The following RARB variants were observed in gnomAD, a reference collection of about 807,000 sequenced individuals.
RARB encodes the protein retinoic acid receptor beta, also known as HBV-activated protein.
Under a neutral mutation model 51.9 loss-of-function variants are expected in RARB, and 17 were observed. That is an observed-to-expected ratio of 0.33 (90% CI 0.22 to 0.49). The LOEUF (loss-of-function observed/expected upper bound fraction) is 0.49. Ranked by LOEUF, RARB falls within the 20% of genes least tolerant of loss-of-function variation. The pLI is 0.99. For synonymous variants in RARB, 215 were observed against 195.4 expected (o/e 1.10, Z -0.84); for missense variants, 369 against 550.8 (o/e 0.67, Z 3.30).
At chr3:25,534,591 G>A (rs1183967314) in intron 3 of RARB, among the ~76,000 whole-genome samples, 2 of 152,136 alleles carry the variant, frequency 1.3e-5, no homozygotes, top group East Asian at 1.9e-4. Flanking sequence ...TGGGCCCCCC[G>A]GCACAGTGTT....
chr3:25,378,679 G>A (rs531163752), intron 5 of RARB, among the ~76,000 whole-genome samples: 29 of 152,084 alleles, frequency 1.9e-4, no homozygotes, highest in African/African-American at 5.5e-4. Flanking sequence ...CAATTTATCC[G>A]TCTCCAAATG....
intron 5 of RARB, among the ~76,000 whole-genome samples, chr3:25,319,995 T>C (rs1704523915): frequency 1.3e-5 from 2 of 151,922 alleles, no homozygotes. Flanking sequence ...GGGGACATTT[T>C]CTCTGTAATG....
At chr3:25,060,963 G>T (rs1273393190) in intron 3 of RARB, among the ~76,000 whole-genome samples, 1 of 151,902 alleles carries the variant, frequency 6.6e-6, no homozygotes, top group African/African-American at 2.4e-5. Context: ...TAAGGAAGAA[G>T]TGGCCAAATT....
intron 3 of RARB, among the ~76,000 whole-genome samples, chr3:25,512,527 G>C (rs976909141): frequency 2.6e-5 from 4 of 152,288 alleles, no homozygotes; most frequent in Admixed American, 2.6e-4. Context: ...CTTGTCATGT[G>C]CCCCCAAATG....
intron 2 of RARB, among the ~76,000 whole-genome samples, chr3:24,920,577 GA>G (rs35008028): frequency 0.13 from 19,139 of 152,246 alleles, 1,355 homozygotes; most frequent in Non-Finnish European, 0.16. Flanking sequence ...AGAACAAAGA[GA>G]GTGTGGCATG....
chr3:24,857,726 G>C (rs898008469), intron 1 of RARB, among the ~76,000 whole-genome samples: 1 of 152,076 alleles, frequency 6.6e-6, no homozygotes, highest in African/African-American at 2.4e-5. Flanking sequence ...ACCAGGCTGG[G>C]GAACATAGTG....
chr3:24,925,993 C>A (rs764253829), intron 2 of RARB, among the ~76,000 whole-genome samples: 11 of 152,110 alleles, frequency 7.2e-5, no homozygotes, highest in African/African-American at 2.4e-4. Context: ...CTGTCTGTAA[C>A]AGAAGCACAC....
At chr3:25,213,845 A>G (rs1263620807) in intron 5 of RARB, among the ~76,000 whole-genome samples, 2 of 152,000 alleles carry the variant, frequency 1.3e-5, no homozygotes, top group African/African-American at 4.8e-5. Flanking sequence ...TAAAGTCTGG[A>G]CTCTTATGAT....
chr3:25,535,998 C>A (rs1271849164), intron 3 of RARB, among the ~76,000 whole-genome samples: 1 of 152,126 alleles, frequency 6.6e-6, no homozygotes, highest in Non-Finnish European at 1.5e-5. Context: ...GTTCCAGATA[C>A]AGAGAAAGCT....
intron 2 of RARB, among the ~76,000 whole-genome samples, chr3:25,013,265 G>GA (rs1334169940): frequency 6.6e-6 from 1 of 152,086 alleles, no homozygotes. Flanking sequence ...GAATCTCAGA[G>GA]CTATCTCAGA....
intron 2 of RARB, among the ~76,000 whole-genome samples, chr3:24,957,687 C>A (rs1361774001): frequency 1.3e-5 from 2 of 152,176 alleles, no homozygotes; most frequent in Non-Finnish European, 2.9e-5. Flanking sequence ...CAATTATTAG[C>A]ATTTTCAGGT....
intron 2 of RARB, among the ~76,000 whole-genome samples, chr3:25,006,077 T>A (rs765318166): frequency 6.6e-6 from 1 of 152,100 alleles, no homozygotes; most frequent in Non-Finnish European, 1.5e-5. Flanking sequence ...GCCAAAGGGT[T>A]CACTCTTCAT....
chr3:24,889,557 C>T (rs115721835), intron 2 of RARB, among the ~76,000 whole-genome samples: 20 of 151,952 alleles, frequency 1.3e-4, no homozygotes, highest in African/African-American at 3.1e-4. Flanking sequence ...TTTTGGTGCT[C>T]GTGGAATCTT....
At chr3:24,999,461 T>C (rs967092019) in intron 2 of RARB, among the ~76,000 whole-genome samples, 1 of 152,166 alleles carries the variant, frequency 6.6e-6, no homozygotes. Context: ...ATAGCGTGGA[T>C]ATTGTGCTAT....
rs139644445 is a variant in RARB at position 25,446,912 on chromosome 3, G to C, written c.158-14281G>C. On this transcript the variant is annotated intron_variant, in intron 1 of 7. Transcript: ENST00000330688. ...TACTAATCTTGCGTGTGGATTCAGG[G>C]GATGAACTCACTTTCAGTTCATTTC... is the stretch of plus-strand genomic sequence containing the variant. Among the ~76,000 whole-genome samples, 56 of 151,916 alleles carry C rather than the reference G, an allele frequency of 3.7e-4. 1 individual carries two copies. In the East Asian group the frequency reaches 9.6e-3, roughly 26 times the overall value.
intron 2 of RARB, among the ~76,000 whole-genome samples, chr3:24,895,274 T>A (rs962148127): frequency 2.0e-5 from 3 of 152,228 alleles, no homozygotes; most frequent in Non-Finnish European, 4.4e-5. Context: ...GTCAATATAT[T>A]TAGTTTACAG....
At chr3:24,865,588 T>C (rs73820099) in intron 2 of RARB, among the ~76,000 whole-genome samples, 1,814 of 152,294 alleles carry the variant, frequency 0.012, 37 homozygotes, top group African/African-American at 0.039. Flanking sequence ...CGTAGCCCTC[T>C]TCCACCTCTC....
At chr3:24,978,451 A>G (rs1356440210) in intron 2 of RARB, among the ~76,000 whole-genome samples, 3 of 152,124 alleles carry the variant, frequency 2.0e-5, no homozygotes, top group Non-Finnish European at 4.4e-5. Flanking sequence ...TGGCCTATTC[A>G]CAGATTCTAC....
At chr3:24,860,955 C>T (rs771552125) in intron 2 of RARB, among the ~76,000 whole-genome samples, 23 of 152,094 alleles carry the variant, frequency 1.5e-4, no homozygotes, top group Non-Finnish European at 3.2e-4. Context: ...AGCCTAGGTT[C>T]GTATATTTTG....
Sources: allele counts gnomAD v4.1 joint callset (sites outside exome capture counted in the v4.1 genomes callset), GRCh38; gene constraint gnomAD v4.1.1; transcripts MANE v1.5; gene names NCBI Gene and HGNC (gene_info 2026-07-23, HGNC 2026-07-21).